BAZ2B: variants seen among roughly 807,000 people sequenced by gnomAD.
The protein encoded by BAZ2B is bromodomain adjacent to zinc finger domain 2B, also known as bromodomain adjacent to zinc finger domain protein 2B.
BAZ2B carries 91 observed loss-of-function variants against 246.0 expected under a neutral mutation model. The ratio of observed to expected loss-of-function variants is 0.37; its 90% CI spans 0.31 to 0.44. BAZ2B has a LOEUF of 0.44. Ranked by LOEUF, BAZ2B falls within the 20% of genes least tolerant of loss-of-function variation. The pLI is 1.00. For synonymous variants in BAZ2B, 855 were observed against 860.0 expected (o/e 0.99, Z 0.10); for missense variants, 2,332 against 2,533.7 (o/e 0.92, Z 1.71).
chr2:159,375,806 T>C (rs1057391579), intron 25 of BAZ2B, among the ~76,000 whole-genome samples: 8 of 152,162 alleles, frequency 5.3e-5, no homozygotes, highest in African/African-American at 1.9e-4. Flanking sequence ...ATGGAATAAA[T>C]AAATTATGAT....
the BAZ2B span, among the ~76,000 whole-genome samples, chr2:159,631,299 A>G: frequency 1.3e-5 from 2 of 152,234 alleles, no homozygotes; most frequent in Admixed American, 1.3e-4. Flanking sequence ...TGAATTTAAA[A>G]TGTATGTATT....
chr2:159,633,631 A>G, the BAZ2B span, among the ~76,000 whole-genome samples: 6 of 151,898 alleles, frequency 4.0e-5, no homozygotes, highest in Non-Finnish European at 7.4e-5. Context: ...TTTTTATCTC[A>G]TATCTGATTT....
intron 6 of BAZ2B, among the ~76,000 whole-genome samples, chr2:159,439,531 C>A (rs1468365085): frequency 1.3e-5 from 2 of 152,108 alleles, no homozygotes; most frequent in Non-Finnish European, 2.9e-5. Flanking sequence ...CAAAATAATT[C>A]CAACTATGAT....
chr2:159,405,045 G>T lies in BAZ2B; in HGVS notation c.2747C>A (p.Ala916Asp), dbSNP rs1409933335. 2 of 1,613,936 alleles carry T rather than the reference G, an allele frequency of 1.2e-6. No individual in the cohort carries two copies. The highest frequency in any genetic ancestry group is 3.3e-5 in the Admixed American group (2 of 59,994). The change falls in exon 15 of 37, where the codon GCT (alanine) becomes GAT (aspartate). Residue 916 changes from alanine to aspartate, a missense_variant. By Grantham distance (126) the Ala-to-Asp change is moderately radical (BLOSUM62 -2). Around this residue, in one of 9 missense-constraint regions of BAZ2B, gnomAD observed 651 missense variants for 650.9 expected, o/e 1.00. Coordinates refer to ENST00000392783, the MANE Select transcript of BAZ2B (RefSeq NM_013450.4). ...ACCTTGTTGTTTTTTGGCTTCTTTA[G>T]CAACCCGAGCCTGTTCCTGCTTTTG... Reference protein sequence around the residue: ...KLQKQEQARVAKEAKKQQAIM... With the variant: ...KLQKQEQARVDKEAKKQQAIM...
chr2:159,582,177 T>A (rs79702536), intron 1 of BAZ2B, among the ~76,000 whole-genome samples: 1,609 of 152,328 alleles, frequency 0.011, 14 homozygotes, highest in Non-Finnish European at 0.016. Flanking sequence ...AACTGCAGAA[T>A]GCATATTTAA....
intron 2 of BAZ2B, among the ~76,000 whole-genome samples, chr2:159,499,343 A>G (rs1302341617): frequency 6.6e-6 from 1 of 152,210 alleles, no homozygotes; most frequent in Admixed American, 6.5e-5. Context: ...ATGTCCCTGC[A>G]AAGGACATGA....
the BAZ2B span, among the ~76,000 whole-genome samples, chr2:159,649,519 G>A: frequency 6.6e-6 from 1 of 152,106 alleles, no homozygotes; most frequent in Non-Finnish European, 1.5e-5. Context: ...ACCTCCTGCT[G>A]TGTGGCCCAG....
At chr2:159,517,241 T>G (rs1217582100) in intron 2 of BAZ2B, among the ~76,000 whole-genome samples, 2 of 152,050 alleles carry the variant, frequency 1.3e-5, no homozygotes, top group African/African-American at 4.8e-5. Flanking sequence ...AAACAAAATA[T>G]TTAACCTGTG....
At chr2:159,467,547 T>C (rs113098364) in intron 3 of BAZ2B, among the ~76,000 whole-genome samples, 12,365 of 152,248 alleles carry the variant, frequency 0.081, 691 homozygotes, top group Non-Finnish European at 0.12. Context: ...TTATGTTGTG[T>C]CCATTCCTTA....
intron 2 of BAZ2B, among the ~76,000 whole-genome samples, chr2:159,484,290 T>C (rs1439077967): frequency 1.3e-5 from 2 of 152,192 alleles, no homozygotes; most frequent in African/African-American, 2.4e-5. Context: ...AATAGTAAGG[T>C]GAGTCAAGCT....
In BAZ2B at chr2:159,370,405, C is replaced by T. The variant is rs769259789; in HGVS notation, c.4213+2640G>A. On this transcript the variant is annotated intron_variant, in intron 27 of 36. Transcript: ENST00000392783. ...TTTTTTTTTTTTTTTTTTTTTGAGA[C>T]GCAGTCTCGCTCTCTTGCCCAGTGG... 5.1e-3 allele frequency among the ~76,000 whole-genome samples: 571 copies of T among 112,350 alleles called. 1 individual carries two copies. The highest frequency in any genetic ancestry group is 0.012 in the Admixed American group (110 of 9,486). 73.7% of individuals were successfully genotyped at this position (112,350 alleles called of 152,430 possible). A position where few individuals can be genotyped will look rare whatever the true frequency, so the allele number is the denominator to read the frequency against.
At chr2:159,693,533 C>T in the BAZ2B span, 1 of 151,220 alleles carries the variant, frequency 6.6e-6, no homozygotes, top group African/African-American at 2.4e-5. Flanking sequence ...AAGCGATCCT[C>T]CCATCTGAGT....
At chr2:159,464,713 A>G (rs534408373) in intron 3 of BAZ2B, 2 of 152,350 alleles carry the variant, frequency 1.3e-5, no homozygotes, top group Admixed American at 6.5e-5. Flanking sequence ...GCAAATGACT[A>G]TTCTTAAAAG....
chr2:159,519,270 C>T (rs1176116662), intron 2 of BAZ2B, among the ~76,000 whole-genome samples: 1 of 116,418 alleles, frequency 8.6e-6, no homozygotes, highest in Non-Finnish European at 1.7e-5. Flanking sequence ...TCGCCCAGGC[C>T]GGACTGCGGA....
chr2:159,471,317 G>GGGGGC (rs1303706822), intron 3 of BAZ2B, among the ~76,000 whole-genome samples: 1 of 152,154 alleles, frequency 6.6e-6, no homozygotes, highest in Non-Finnish European at 1.5e-5. Context: ...AAAATGGTTT[G>GGGGGC]GGGGCCAGGC....
intron 14 of BAZ2B, among the ~76,000 whole-genome samples, chr2:159,410,089 T>C (rs552255470): frequency 6.6e-6 from 1 of 152,376 alleles, no homozygotes; most frequent in African/African-American, 2.4e-5. Flanking sequence ...ATCCCATGTT[T>C]TGATTATCAG....
At chr2:159,556,379 T>C (rs2089130808) in intron 1 of BAZ2B, among the ~76,000 whole-genome samples, 1 of 143,228 alleles carries the variant, frequency 7.0e-6, no homozygotes, top group African/African-American at 3.0e-5. Flanking sequence ...AAAATATCAC[T>C]GGGAAGAATT....
chr2:159,409,486 T>C (rs1335986681), intron 14 of BAZ2B, among the ~76,000 whole-genome samples: 3 of 152,216 alleles, frequency 2.0e-5, no homozygotes, highest in Non-Finnish European at 2.9e-5. Flanking sequence ...ACCTATATTC[T>C]GAGAAATTAG....
intron 16 of BAZ2B, among the ~76,000 whole-genome samples, chr2:159,401,310 T>A (rs1029768292): frequency 6.6e-6 from 1 of 152,192 alleles, no homozygotes; most frequent in Admixed American, 6.5e-5. Flanking sequence ...AGAAAAATCA[T>A]GTATCAGCAG....
Sources: gnomAD v4.1 joint callset for allele counts (sites outside exome capture counted in the v4.1 genomes callset) on GRCh38, gnomAD v4.1.1 for gene constraint, gnomAD v4.1.1 regional missense constraint, MANE v1.5 for transcripts, NCBI Gene and HGNC (gene_info 2026-07-23, HGNC 2026-07-21) for gene names.